The following EMC3 variants were observed in gnomAD, a reference collection of about 807,000 sequenced individuals.
EMC3 encodes the protein 30 kDa protein.
A neutral mutation model predicts 36.6 loss-of-function variants in EMC3; 13 were observed. The observed-to-expected ratio is 0.35, with a 90% CI of 0.23 to 0.56. The LOEUF (loss-of-function observed/expected upper bound fraction) is 0.56, where lower values mean the gene tolerates loss of function less well. Among genes scored for constraint, EMC3 ranks in the 20% least tolerant of loss-of-function variants. The probability of loss-of-function intolerance (pLI) is 0.84; values close to 1 mark genes in which losing one functional copy is unlikely to be tolerated. For missense variants in EMC3, 220 were observed against 324.5 expected (o/e 0.68, Z 2.47); for synonymous variants, 120 against 111.9 (o/e 1.07, Z -0.46).
At chr3:9,978,425 T>G (rs1229418786) in intron 1 of EMC3, 1 of 152,076 alleles carries the variant, frequency 6.6e-6, no homozygotes, top group East Asian at 1.9e-4. Context: ...AATTTTTTTC[T>G]AGGTACTCAA....
At chr3:9,982,478 C>T (rs550542123) in intron 1 of EMC3, among the ~76,000 whole-genome samples, 3 of 152,192 alleles carry the variant, frequency 2.0e-5, no homozygotes, top group Admixed American at 6.5e-5. Context: ...TGGTCTCAAT[C>T]TCCTGACCTC....
chr3:10,001,517 G>T (rs948089512), intron 1 of EMC3, among the ~76,000 whole-genome samples: 1 of 151,678 alleles, frequency 6.6e-6, no homozygotes, highest in Non-Finnish European at 1.5e-5. Context: ...GGTGGAGCTT[G>T]CAGTGAGCCG....
intron 1 of EMC3, chr3:10,007,716 C>T: frequency 8.1e-7 from 1 of 1,240,762 alleles, no homozygotes; most frequent in Non-Finnish European, 1.1e-6. Flanking sequence ...GGCAGTGAAT[C>T]TGTGGGTGCA....
chr3:10,004,968 A>G lies in EMC3; in HGVS notation c.-242+6055T>C, dbSNP rs894467540. The stretch of plus-strand genomic sequence containing the variant: ...AGTTGGGAGGCACCATGGAGCAGGG[A>G]TCACCCTCCACCTCACTTGACAAGG... On this transcript the variant is annotated intron_variant, in intron 1 of 8. Transcript: ENST00000470827. 3.9e-5 allele frequency: 6 copies of G among 152,434 alleles called. No individual in the cohort carries two copies. The South Asian group carries it at 6.2e-4, about 16-fold the overall frequency. 9.4% of individuals were successfully genotyped at this position (152,434 alleles called of 1,614,324 possible). A position where few individuals can be genotyped will look rare whatever the true frequency, so the allele number is the denominator to read the frequency against.
At chr3:9,993,942 G>T (rs1415249942) in intron 1 of EMC3, among the ~76,000 whole-genome samples, 2 of 152,294 alleles carry the variant, frequency 1.3e-5, no homozygotes, top group Non-Finnish European at 2.9e-5. Flanking sequence ...GTACTATTAG[G>T]CTTATAACTT....
At chr3:10,010,880 G>A (rs144363827) in intron 1 of EMC3, 2,485 of 152,476 alleles carry the variant, frequency 0.016, 27 homozygotes, top group Non-Finnish European at 0.024. Flanking sequence ...GGCCGCACTC[G>A]GTCACCTGTG....
At chr3:10,000,021 T>C (rs1388669413) in intron 1 of EMC3, among the ~76,000 whole-genome samples, 1 of 152,048 alleles carries the variant, frequency 6.6e-6, no homozygotes, top group Non-Finnish European at 1.5e-5. Flanking sequence ...AAGTTTTTGT[T>C]GTTGTTGTTG....
chr3:10,010,561 C>A lies in EMC3; in HGVS notation c.-242+462G>T, dbSNP rs140517660. ...CCTGGTGTTTCCGTCATAGCCCCCA[C>A]CTCTATGGGGAGTTTTCTGCACTGA... On this transcript the variant is annotated intron_variant, in intron 1 of 8. Coordinates refer to the EMC3 transcript ENST00000470827. 1.7e-3 allele frequency among the ~76,000 whole-genome samples: 259 copies of A among 152,334 alleles called. 2 individuals carry two copies. The Middle Eastern group carries it at 0.024, about 14-fold the overall frequency.
rs1012212856 is a variant in EMC3, at chr3:9,973,490, G to A, written c.494+138C>T. On this transcript the variant is annotated intron_variant, in intron 5 of 7. Transcript: ENST00000245046. ...ATTACAGTCGTGAGCCACTGCGCCC[G>A]GCCTGTTTTCGTTTTCTTGAGACAG... is the stretch of plus-strand genomic sequence containing the variant. The A allele has an allele frequency of 1.1e-4, 79 of 712,296 alleles. 1 individual carries two copies. The highest frequency in any genetic ancestry group is 1.0e-3 in the Middle Eastern group (4 of 3,830). The allele number at this position is 712,296 out of a possible 1,614,324, so 44.1% of individuals were successfully genotyped here. A position where few individuals can be genotyped will look rare whatever the true frequency, so the allele number is the denominator to read the frequency against.
Position 10,007,490 on chromosome 3 carries a change from G to A in EMC3, c.-242+3533C>T, listed in dbSNP as rs1161077568. 5.1e-6 allele frequency: 7 copies of A among 1,367,648 alleles called. 1 individual carries two copies. In the Admixed American group the frequency reaches 1.3e-4, roughly 26 times the overall value. 84.7% of individuals were successfully genotyped at this position (1,367,648 alleles called of 1,614,324 possible). A position where few individuals can be genotyped will look rare whatever the true frequency, so the allele number is the denominator to read the frequency against. On this transcript the variant is annotated intron_variant, in intron 1 of 8. Transcript: ENST00000470827. ...TGTCTAGTGTGGCATTGGCCTTTCT[G>A]CTTCGATGGTTTCTTCTTTTGATAA...
chr3:9,979,664 C>CA (rs2085888764), intron 1 of EMC3, among the ~76,000 whole-genome samples: 1 of 152,234 alleles, frequency 6.6e-6, no homozygotes, highest in Non-Finnish European at 1.5e-5. Context: ...AGACATTAAC[C>CA]AAATAACCAG....
intron 1 of EMC3, among the ~76,000 whole-genome samples, chr3:10,008,839 C>G (rs2086292800): frequency 6.6e-6 from 1 of 152,166 alleles, no homozygotes. Context: ...CTCTGGCACC[C>G]AGGAGGCCCT....
At chr3:10,007,721 G>A (rs1196663421) in intron 1 of EMC3, 2 of 1,202,100 alleles carry the variant, frequency 1.7e-6, no homozygotes, top group Non-Finnish European at 2.2e-6. Flanking sequence ...TGAATCTGTG[G>A]GTGCAGATGC....
chr3:10,003,320 A>G (rs1421124618), intron 1 of EMC3: 1 of 418,478 alleles, frequency 2.4e-6, no homozygotes, highest in South Asian at 1.7e-5. Flanking sequence ...CAGGGGATGC[A>G]CTTCCATTGT....
At chr3:10,000,506 T>A (rs571588388) in intron 1 of EMC3, 1 of 221,238 alleles carries the variant, frequency 4.5e-6, no homozygotes, top group Non-Finnish European at 9.4e-6. Flanking sequence ...GTCTTAGTTT[T>A]AAATCACAAC....
At chr3:9,987,701 A>C, upstream of EMC3, 1 of 385,940 alleles carries the variant, frequency 2.6e-6, no homozygotes, top group Non-Finnish European at 4.9e-6. Flanking sequence ...CTTTCTGTGT[A>C]GTACCTCACA....
intron 1 of EMC3, chr3:10,005,365 G>C (rs2086252164): frequency 1.3e-5 from 2 of 152,190 alleles, no homozygotes; most frequent in African/African-American, 2.4e-5. Context: ...GGCAGATGCT[G>C]ACAGCTTTTT....
intron 7 of EMC3, among the ~76,000 whole-genome samples, chr3:9,967,209 C>T (rs1356520826): frequency 6.6e-6 from 1 of 152,212 alleles, no homozygotes; most frequent in Admixed American, 6.5e-5. Context: ...GGGTCTCGCT[C>T]TGTCACCCAA....
chr3:9,999,599 G>A (rs140162007), intron 1 of EMC3, among the ~76,000 whole-genome samples: 7 of 151,988 alleles, frequency 4.6e-5, no homozygotes, highest in East Asian at 3.9e-4. Flanking sequence ...ATTTTGAGTC[G>A]TATGATCACA....
Sources: gnomAD v4.1 joint callset for allele counts (sites outside exome capture counted in the v4.1 genomes callset) on GRCh38, gnomAD v4.1.1 for gene constraint, MANE v1.5 for transcripts, NCBI Gene and HGNC (gene_info 2026-07-23, HGNC 2026-07-21) for gene names.